Variants in PTPRD observed in about 807,000 individuals in gnomAD.
PTPRD encodes the protein protein tyrosine phosphatase receptor type D.
A neutral mutation model predicts 214.5 loss-of-function variants in PTPRD; 34 were observed. That is an observed-to-expected ratio of 0.16 (90% confidence interval 0.12 to 0.21). The LOEUF (loss-of-function observed/expected upper bound fraction) is 0.21, where lower values mean the gene tolerates loss of function less well. PTPRD is among the 10% of genes least tolerant of loss of function. The pLI, the probability that PTPRD is intolerant of heterozygous loss-of-function variation, is 1.00. For synonymous variants in PTPRD, 1,128 were observed against 845.7 expected (o/e 1.33, Z -5.79); for missense variants, 2,545 against 2,398.7 (o/e 1.06, Z -1.27).
At position 8,339,030 on chromosome 9, in the gene PTPRD, G is replaced by A. The variant is rs1034836752; in HGVS notation, c.5271C>T (p.Tyr1757=). The part of the protein sequence containing the change: ...REMGREKCHQ[Y]WPAERSARYQ... Reference sequence around the variant, plus strand: ...ATCTTGCAGACCGTTCTGCTGGCCAGTATTGGTGACATTTCTCCTAAAAGG... The same window carrying A: ...ATCTTGCAGACCGTTCTGCTGGCCAATATTGGTGACATTTCTCCTAAAAGG... The change falls in exon 43 of 46, where the codon TAC becomes TAT. Residue 1757 remains tyrosine, a synonymous_variant. Transcript: ENST00000381196. 8.1e-6 allele frequency: 13 copies of A among 1,611,558 alleles called. No homozygotes were observed. Among genetic ancestry groups the A allele is most frequent in the Admixed American group, 6.7e-5 (4 of 59,788 alleles).
intron 4 of PTPRD, among the ~76,000 whole-genome samples, chr9:9,979,314 T>C (rs2095464721): frequency 1.3e-5 from 2 of 152,112 alleles, no homozygotes; most frequent in African/African-American, 4.8e-5. Context: ...GGTATTTTGC[T>C]TTTCCAGATG....
chr9:8,858,830 TACACACACACAG>T (rs1313652153), intron 11 of PTPRD, among the ~76,000 whole-genome samples: 1 of 67,258 alleles, frequency 1.5e-5, no homozygotes, highest in African/African-American at 4.5e-5. Context: ...CACACACACA[TACACACACACAG>T]ACACACAGAC....
At chr9:8,461,808 C>CT (rs996157525) in intron 32 of PTPRD, among the ~76,000 whole-genome samples, 6 of 151,914 alleles carry the variant, frequency 3.9e-5, no homozygotes, top group African/African-American at 1.2e-4. Flanking sequence ...GACAAACATT[C>CT]TTTTTTTAAA....
intron 7 of PTPRD, among the ~76,000 whole-genome samples, chr9:9,661,414 T>C (rs1405625730): frequency 6.6e-6 from 1 of 151,926 alleles, no homozygotes; most frequent in Non-Finnish European, 1.5e-5. Flanking sequence ...ATCTTTTGAA[T>C]GTTTCAACCT....
chr9:8,835,827 T>C (rs1374401843), intron 11 of PTPRD, among the ~76,000 whole-genome samples: 1 of 152,172 alleles, frequency 6.6e-6, no homozygotes, highest in Non-Finnish European at 1.5e-5. Context: ...CATGAGCCAC[T>C]TCACCTGGCA....
At chr9:9,944,194 G>C (rs1347284202) in intron 4 of PTPRD, among the ~76,000 whole-genome samples, 2 of 152,010 alleles carry the variant, frequency 1.3e-5, no homozygotes, top group Non-Finnish European at 2.9e-5. Flanking sequence ...TTCTTGCTTT[G>C]TTCCCTTCTC....
chr9:10,129,685 G>C (rs901042673), intron 3 of PTPRD, among the ~76,000 whole-genome samples: 21 of 151,826 alleles, frequency 1.4e-4, no homozygotes, highest in African/African-American at 4.8e-4. Flanking sequence ...CAGTATGCAA[G>C]CTGGTACATT....
intron 11 of PTPRD, among the ~76,000 whole-genome samples, chr9:8,842,781 C>T (rs888533111): frequency 4.6e-5 from 7 of 152,228 alleles, no homozygotes; most frequent in Middle Eastern, 3.4e-3. Context: ...AAAATTCAAA[C>T]GCACTATAAT....
intron 10 of PTPRD, among the ~76,000 whole-genome samples, chr9:9,068,929 G>A (rs1405300893): frequency 6.6e-6 from 1 of 152,082 alleles, no homozygotes; most frequent in Non-Finnish European, 1.5e-5. Flanking sequence ...TTCTTTATGG[G>A]AAAATATTTG....
intron 2 of PTPRD, among the ~76,000 whole-genome samples, chr9:10,530,042 G>A (rs1040427992): frequency 8.5e-5 from 13 of 152,058 alleles, no homozygotes; most frequent in Non-Finnish European, 1.6e-4. Context: ...TGCATGTTCT[G>A]CACATGTATC....
chr9:10,186,393 T>A (rs751527903), intron 3 of PTPRD, among the ~76,000 whole-genome samples: 10 of 152,152 alleles, frequency 6.6e-5, no homozygotes, highest in Non-Finnish European at 1.3e-4. Flanking sequence ...TTGATTTCAG[T>A]TCTTAAATGA....
intron 11 of PTPRD, among the ~76,000 whole-genome samples, chr9:8,912,674 T>A (rs955704246): frequency 1.3e-5 from 2 of 152,176 alleles, no homozygotes; most frequent in Non-Finnish European, 2.9e-5. Flanking sequence ...AAGGTTTTAC[T>A]AAAAATAAAG....
intron 3 of PTPRD, among the ~76,000 whole-genome samples, chr9:10,333,172 G>A (rs1341902900): frequency 6.6e-6 from 1 of 151,802 alleles, no homozygotes; most frequent in Non-Finnish European, 1.5e-5. Context: ...AGGCATGGAA[G>A]TAAGAGTTGT....
intron 11 of PTPRD, among the ~76,000 whole-genome samples, chr9:8,769,011 G>A (rs1322088087): frequency 6.6e-6 from 1 of 152,152 alleles, no homozygotes; most frequent in Non-Finnish European, 1.5e-5. Flanking sequence ...GAGGCACAGG[G>A]GAGGTGTTTA....
chr9:8,368,634 C>A (rs1228966937), intron 39 of PTPRD, among the ~76,000 whole-genome samples: 1 of 149,650 alleles, frequency 6.7e-6, no homozygotes, highest in Non-Finnish European at 1.5e-5. Context: ...TTGAGTTTTA[C>A]ACTTTATACC....
At chr9:9,851,089 C>A (rs74460221) in intron 5 of PTPRD, among the ~76,000 whole-genome samples, 1 of 152,080 alleles carries the variant, frequency 6.6e-6, no homozygotes, top group African/African-American at 2.4e-5. Flanking sequence ...AAGTTATAAG[C>A]TTATTTAAGG....
At chr9:9,913,173 T>G (rs982231160) in intron 5 of PTPRD, among the ~76,000 whole-genome samples, 7 of 152,188 alleles carry the variant, frequency 4.6e-5, no homozygotes, top group Admixed American at 2.0e-4. Flanking sequence ...AAATTCATTT[T>G]TATGAAAAAA....
At chr9:10,054,623 T>C (rs544110954) in intron 3 of PTPRD, among the ~76,000 whole-genome samples, 22 of 152,146 alleles carry the variant, frequency 1.4e-4, no homozygotes, top group Non-Finnish European at 2.2e-4. Flanking sequence ...GGTATCAAGA[T>C]AGGGCCCCTG....
rs1017175366 is a variant in PTPRD at position 9,629,134 on chromosome 9, A to G, written c.-286-54353T>C. 5.3e-5 allele frequency among the ~76,000 whole-genome samples: 8 copies of G among 151,762 alleles called. No homozygotes were observed. The East Asian group carries it at 1.6e-3, about 29-fold the overall frequency. On this transcript the variant is annotated intron_variant, in intron 7 of 45. Coordinates refer to ENST00000381196, the MANE Select transcript of PTPRD (RefSeq NM_002839.4). ...GGTTGCAGTGAGCCAAGATCACGCC[A>G]TTGCACTCCAGCCTGGGTGACAGAG... is the stretch of plus-strand genomic sequence containing the variant.
Sources: gnomAD v4.1 joint callset for allele counts (sites outside exome capture counted in the v4.1 genomes callset) on GRCh38, gnomAD v4.1.1 for gene constraint, MANE v1.5 for transcripts, NCBI Gene and HGNC (gene_info 2026-07-23, HGNC 2026-07-21) for gene names.